The following FARSA variants were observed in gnomAD, a reference collection of about 807,000 sequenced individuals.
The protein encoded by FARSA is phenylalanine--tRNA ligase alpha subunit.
In FARSA, 37 loss-of-function variants were observed where a neutral mutation model predicts 63.2. That is an observed-to-expected ratio of 0.59 (90% CI 0.45 to 0.77). The LOEUF (loss-of-function observed/expected upper bound fraction) is 0.77, where lower values mean the gene tolerates loss of function less well. Ranked by LOEUF, FARSA falls within the 30% of genes least tolerant of loss-of-function variation. The probability of loss-of-function intolerance (pLI) is 0.00; values close to 1 mark genes in which losing one functional copy is unlikely to be tolerated. For synonymous variants in FARSA, 312 were observed against 285.1 expected, an observed-to-expected ratio of 1.09 and a Z score of -0.95; for missense variants, 618 against 696.6, an observed-to-expected ratio of 0.89 and a Z score of 1.27.
intron 4 of FARSA, 28 bp from the exon 5 acceptor site, chr19:12,928,875 C>T: frequency 6.2e-7 from 1 of 1,600,414 alleles, no homozygotes; most frequent in Non-Finnish European, 8.6e-7. Context: ...AAGGGGACGC[C>T]ACTGCCATCT....
rs1290643247 is a variant in FARSA at position 12,924,094 on chromosome 19, T to C, written c.1388+57A>G. ...GGTGCTGAAACCACGCAGGCCCCTATACCTGGAGAGTTATTTGAGGCAGCT... is the reference window on the plus strand; with the variant it reads ...GGTGCTGAAACCACGCAGGCCCCTACACCTGGAGAGTTATTTGAGGCAGCT... On this transcript the variant is annotated intron_variant, in intron 12 of 12. Coordinates refer to ENST00000314606, the MANE Select transcript of FARSA (RefSeq NM_004461.3). The surrounding 1 kb of genome is among the most constrained non-coding windows in gnomAD (Gnocchi z 6.4). 4 of 1,380,484 alleles carry C rather than the reference T, an allele frequency of 2.9e-6. No homozygotes were observed. The highest frequency in any genetic ancestry group is 2.1e-6 in the Non-Finnish European group (2 of 966,654). 85.5% of individuals were successfully genotyped at this position (1,380,484 alleles called of 1,614,324 possible). A position where few individuals can be genotyped will look rare whatever the true frequency, so the allele number is the denominator to read the frequency against.
At chr19:12,926,558 CCA>C (rs1971330037) in intron 7 of FARSA, among the ~76,000 whole-genome samples, 1 of 152,134 alleles carries the variant, frequency 6.6e-6, no homozygotes, top group Non-Finnish European at 1.5e-5. Context: ...CAGGCGTGAG[CCA>C]CCGCGCCCGG....
In FARSA at chr19:12,924,454, T is replaced by C; in HGVS notation, c.1268A>G (p.His423Arg). Residue 423 changes from histidine to arginine, a missense_variant, in exon 11 of 13, where the codon CAC becomes CGC. His to Arg is a conservative substitution (Grantham distance 29). Transcript: ENST00000314606. This position sits in a 1 kb window ranked among gnomAD's most constrained non-coding sequence, Gnocchi z 6.4. The part of the protein sequence containing the change: ...TEPSMEVFSY[H>R]QGLKKWVEVG... ...GTACCAGGGCCTACCCTGACCTTGG[T>C]GGTAGCTGAACACCTCCATGCTGGG... The C allele has an allele frequency of 1.2e-6, 2 of 1,613,228 alleles. No homozygotes were observed. The highest frequency in any genetic ancestry group is 1.7e-6 in the Non-Finnish European group (2 of 1,179,922).
Position 12,924,212 on chromosome 19 carries a change from G to T in FARSA, c.1327C>A (p.Leu443Met). 1 of 1,614,138 alleles carries T rather than the reference G, an allele frequency of 6.2e-7. No individual in the cohort carries two copies. The highest frequency in any genetic ancestry group is 8.5e-7 in the Non-Finnish European group (1 of 1,180,040). ...GNSGVFRPEMLLPMGLPENVS... is the reference protein window; with the variant it reads ...GNSGVFRPEMMLPMGLPENVS... Reference sequence around the variant, plus strand: ...TTCTCGGGAAGCCCCATGGGCAGCAGCATCTCTGGACGGAAGACCCCCGAG... The same window carrying T: ...TTCTCGGGAAGCCCCATGGGCAGCATCATCTCTGGACGGAAGACCCCCGAG... Residue 443 changes from leucine to methionine, a missense_variant, in exon 12 of 13, where the codon CTG becomes ATG. Physicochemically the swap from Leu to Met is conservative, Grantham distance 15 (BLOSUM62 2). Transcript: ENST00000314606. This position sits in a 1 kb window ranked among gnomAD's most constrained non-coding sequence, Gnocchi z 6.4.
chr19:12,922,704 C>A lies in FARSA; in HGVS notation c.*44G>T. 1.2e-6 allele frequency: 2 copies of A among 1,608,484 alleles called. No homozygotes were observed. The highest frequency in any genetic ancestry group is 8.5e-7 in the Non-Finnish European group (1 of 1,179,176). ...TGGCCAGGGATGCAAAGGAGCGCAG[C>A]AGCAGGGACTCGGGGAGGATGACCT... On this transcript the variant is annotated 3_prime_UTR_variant, in exon 13 of 13. Transcript: ENST00000314606.
chr19:12,931,370 T>A (rs548552772), intron 1 of FARSA, among the ~76,000 whole-genome samples: 191 of 152,206 alleles, frequency 1.3e-3, no homozygotes, highest in African/African-American at 3.1e-3. Context: ...TTCAAATGAT[T>A]CTCCTGCCTC....
intron 7 of FARSA, 134 bp from the exon 8 acceptor site, chr19:12,925,308 C>A (rs532114802): frequency 1.9e-5 from 13 of 682,254 alleles, no homozygotes; most frequent in Admixed American, 2.8e-5. Flanking sequence ...CTCTGCCTCC[C>A]AGGTTCAAGT....
In FARSA at chr19:12,924,768, C is replaced by T. The variant is rs1412069323; in HGVS notation, c.1066G>A (p.Val356Ile). ...GCGTCCAGGGTCTCATTCCGGAATA[C>T]GCGGTCGATGGAGAAGTACTTGACC... is the stretch of plus-strand genomic sequence containing the variant. The part of the protein sequence containing the change: ...TPVKYFSIDR[V>I]FRNETLDATH... The change falls in exon 10 of 13, where the codon GTA becomes ATA. Residue 356 changes from valine (V) to isoleucine (I), a missense_variant. Transcript: ENST00000314606. The surrounding 1 kb of genome is among the most constrained non-coding windows in gnomAD (Gnocchi z 6.4). 14 of 1,602,296 alleles carry T rather than the reference C, an allele frequency of 8.7e-6. No individual in the cohort carries two copies. The highest frequency in any genetic ancestry group is 6.7e-5 in the East Asian group (3 of 44,668).
intron 1 of FARSA, among the ~76,000 whole-genome samples, chr19:12,932,036 AT>A (rs35705523): frequency 0.024 from 3,175 of 132,446 alleles, 32 homozygotes; most frequent in Middle Eastern, 0.066. Flanking sequence ...CACTGCATAA[AT>A]TTTTTTTTTT....
chr19:12,928,549 G>T lies in FARSA; in HGVS notation c.711C>A (p.Ile237=). 1 of 1,614,126 alleles carries T rather than the reference G, an allele frequency of 6.2e-7. No individual in the cohort carries two copies. Among genetic ancestry groups the T allele is most frequent in the Non-Finnish European group, 8.5e-7 (1 of 1,179,988 alleles). The stretch of plus-strand genomic sequence containing the variant: ...CCTGTGCTCACCCCATCTCCAGGAA[G>T]ATCTGTCGGAACTGGGAGCGGACCT... ...LLKVRSQFRQ[I]FLEMGFTEMP... The change falls in exon 6 of 13, where the codon ATC becomes ATA. Residue 237 remains isoleucine, a synonymous_variant. Transcript: ENST00000314606.
chr19:12,925,493 G>A (rs1389790016), intron 7 of FARSA, among the ~76,000 whole-genome samples: 1 of 151,580 alleles, frequency 6.6e-6, no homozygotes, highest in East Asian at 1.9e-4. Flanking sequence ...AAGTAGCTGG[G>A]ATTACAGGTG....
Position 12,930,464 on chromosome 19 carries a change from T to C in FARSA, c.349A>G (p.Lys117Glu). The C allele has an allele frequency of 6.2e-7, 1 of 1,614,218 alleles. No individual in the cohort carries two copies. Among genetic ancestry groups the C allele is most frequent in the Non-Finnish European group, 8.5e-7 (1 of 1,180,016 alleles). ...ACCCGGGGCCCGTCAGCCGCACTCT[T>C]GTCCACCCGAATCCACTTGTTGGAC... ...AMSNKWIRVD[K>E]SAADGPRVFR... is the part of the protein sequence containing the mutation. The change falls in exon 3 of 13, where the codon AAG becomes GAG. Residue 117 changes from lysine to glutamate, a missense_variant. Coordinates refer to ENST00000314606, the MANE Select transcript of FARSA (RefSeq NM_004461.3).
intron 1 of FARSA, 64 bp downstream of exon 1, chr19:12,933,486 C>G: frequency 6.6e-7 from 1 of 1,511,370 alleles, no homozygotes; most frequent in Non-Finnish European, 8.9e-7. Context: ...GGACGTAGAG[C>G]GCCCGTGGCA....
In FARSA at chr19:12,924,425, C is replaced by T; in HGVS notation, c.1273+24G>A. ...TAGTAGCCTGAGACCTCCCTCCCAC[C>T]CCAGTACCAGGGCCTACCCTGACCT... On this transcript the variant is annotated intron_variant, in intron 11 of 12. Coordinates refer to ENST00000314606, the MANE Select transcript of FARSA (RefSeq NM_004461.3). This position sits in a 1 kb window ranked among gnomAD's most constrained non-coding sequence, Gnocchi z 6.4. 1 of 1,611,012 alleles carries T rather than the reference C, an allele frequency of 6.2e-7. No homozygotes were observed. The highest frequency in any genetic ancestry group is 8.5e-7 in the Non-Finnish European group (1 of 1,178,738).
Position 12,924,075 on chromosome 19 carries a change from G to T in FARSA, c.1388+76C>A. ...ATTGGATGAATGAATGGGTGGTGCTGAAACCACGCAGGCCCCTATACCTGG... is the reference window on the plus strand; with the variant it reads ...ATTGGATGAATGAATGGGTGGTGCTTAAACCACGCAGGCCCCTATACCTGG... On this transcript the variant is annotated intron_variant, in intron 12 of 12. Transcript: ENST00000314606. The surrounding 1 kb of genome is among the most constrained non-coding windows in gnomAD (Gnocchi z 6.4). The T allele has an allele frequency of 8.6e-7, 1 of 1,167,766 alleles. No individual in the cohort carries two copies. The highest frequency in any genetic ancestry group is 1.3e-6 in the Non-Finnish European group (1 of 776,396). The allele number at this position is 1,167,766 out of a possible 1,614,324, so 72.3% of individuals were successfully genotyped here.
At chr19:12,932,309 G>A (rs1208327260) in intron 1 of FARSA, among the ~76,000 whole-genome samples, 2 of 152,096 alleles carry the variant, frequency 1.3e-5, no homozygotes, top group African/African-American at 2.4e-5. Context: ...GGGATTACAG[G>A]TGTGACCACT....
In FARSA at chr19:12,928,736, CCCT is replaced by C. The variant is rs1971356895; in HGVS notation, c.596+16_596+18del. 4.3e-6 allele frequency: 7 copies of C among 1,614,072 alleles called. No individual in the cohort carries two copies. The highest frequency in any genetic ancestry group is 5.9e-6 in the Non-Finnish European group (7 of 1,179,976). On this transcript the variant is annotated intron_variant, in intron 5 of 12. Coordinates refer to ENST00000314606, the MANE Select transcript of FARSA (RefSeq NM_004461.3). Reference sequence around the variant, plus strand: ...CTGCCCCAGCTCCCACCTGCCCTGACCCTGGGGTTGCCTGCTACCTGGAGATCA... The same window carrying C: ...CTGCCCCAGCTCCCACCTGCCCTGACGGGGTTGCCTGCTACCTGGAGATCA...
chr19:12,924,946 G>A lies in FARSA; in HGVS notation c.984C>T (p.Thr328=). The A allele has an allele frequency of 6.2e-7, 1 of 1,614,216 alleles. No homozygotes were observed. The highest frequency in any genetic ancestry group is 8.5e-7 in the Non-Finnish European group (1 of 1,180,036). ...EARKNLLRTH[T]TSASARALYR... ...AGAGCGCACGGGCGCTGGCTGATGTGGTGTGGGTTCGCAGTAGGTTTTTCC... is the reference window on the plus strand; with the variant it reads ...AGAGCGCACGGGCGCTGGCTGATGTAGTGTGGGTTCGCAGTAGGTTTTTCC... Residue 328 remains threonine, a synonymous_variant, in exon 9 of 13, where the codon ACC becomes ACT. Transcript: ENST00000314606. This position sits in a 1 kb window ranked among gnomAD's most constrained non-coding sequence, Gnocchi z 6.4.
At chr19:12,927,283 C>G (rs1050354241) in intron 7 of FARSA, among the ~76,000 whole-genome samples, 1 of 152,204 alleles carries the variant, frequency 6.6e-6, no homozygotes, top group African/African-American at 2.4e-5. Context: ...CTGAGGTGTG[C>G]ACGGCCTGGA....
Sources: allele counts gnomAD v4.1 joint callset (sites outside exome capture counted in the v4.1 genomes callset), GRCh38; gene constraint gnomAD v4.1.1; non-coding constraint Gnocchi (gnomAD v3.1); transcripts MANE v1.5; gene names NCBI Gene and HGNC (gene_info 2026-07-23, HGNC 2026-07-21).